The following CAMKK2 variants were observed in gnomAD, a reference collection of about 807,000 sequenced individuals.
CAMKK2 encodes calcium/calmodulin-dependent protein kinase kinase 2.
A neutral mutation model predicts 67.2 loss-of-function variants in CAMKK2; 30 were observed. That is an observed-to-expected ratio of 0.45 (90% confidence interval 0.33 to 0.61). The LOEUF is 0.61. Among genes scored for constraint, CAMKK2 ranks in the 20% least tolerant of loss-of-function variants. The pLI is 0.02. For synonymous variants in CAMKK2, 322 were observed against 326.2 expected (o/e 0.99, Z 0.14); for missense variants, 643 against 802.0 (o/e 0.80, Z 2.39).
In CAMKK2 at chr12:121,240,460, G is replaced by A. The variant is rs1213069119; in HGVS notation, c.*239C>T. On this transcript the variant is annotated 3_prime_UTR_variant, in exon 17 of 17. Transcript: ENST00000404169. The surrounding 1 kb of genome is among the most constrained non-coding windows in gnomAD (Gnocchi z 4.4). Reference sequence around the variant, plus strand: ...CCAAAATGCACGTGGGTTTGGGTCTGCAACTCCTCACACCCGCCTGTCCAG... The same window carrying A: ...CCAAAATGCACGTGGGTTTGGGTCTACAACTCCTCACACCCGCCTGTCCAG... 7 of 1,534,574 alleles carry A rather than the reference G, an allele frequency of 4.6e-6. No homozygotes were observed. Among genetic ancestry groups the A allele is most frequent in the Non-Finnish European group, 6.1e-6 (7 of 1,146,702 alleles).
At chr12:121,250,733 G>A (rs1890552163) in intron 11 of CAMKK2, among the ~76,000 whole-genome samples, 1 of 152,220 alleles carries the variant, frequency 6.6e-6, no homozygotes, top group African/African-American at 2.4e-5. Context: ...ATTTCTGGCT[G>A]TCTTGCTCAC....
At chr12:121,250,924 G>GT (rs1890589879) in intron 11 of CAMKK2, among the ~76,000 whole-genome samples, 1 of 152,208 alleles carries the variant, frequency 6.6e-6, no homozygotes. Flanking sequence ...TGTGTCCCAG[G>GT]AAGTACGAAG....
Position 121,270,918 on chromosome 12 carries a change from G to A in CAMKK2, c.499C>T (p.Leu167=). The A allele has an allele frequency of 6.2e-7, 1 of 1,613,662 alleles. No homozygotes were observed. Among genetic ancestry groups the A allele is most frequent in the Admixed American group, 1.7e-5 (1 of 59,958 alleles). ...QDCVQLNQYT[L]KDEIGKGSYG... Reference sequence around the variant, plus strand: ...TTTACCTTTCCAATTTCATCCTTCAGGGTATACTGATTCAGCTGCACACAG... The same window carrying A: ...TTTACCTTTCCAATTTCATCCTTCAAGGTATACTGATTCAGCTGCACACAG... The change falls in exon 3 of 17, where the codon CTG becomes TTG. Residue 167 remains leucine (L), a synonymous_variant. Coordinates refer to ENST00000404169, the MANE Select transcript of CAMKK2 (RefSeq NM_001270485.2).
intron 6 of CAMKK2, among the ~76,000 whole-genome samples, chr12:121,261,707 G>A (rs935345400): frequency 2.6e-5 from 4 of 152,210 alleles, no homozygotes; most frequent in Admixed American, 2.6e-4. Flanking sequence ...AAGGCACCAT[G>A]TACTCCCCCA....
rs1467835765 is a variant in CAMKK2 at position 121,240,288 on chromosome 12, A to C, written c.*411T>G. 1 of 727,570 alleles carries C rather than the reference A, an allele frequency of 1.4e-6. No homozygotes were observed. The highest frequency in any genetic ancestry group is 2.7e-5 in the East Asian group (1 of 37,126). The allele number at this position is 727,570 out of a possible 1,614,324, so 45.1% of individuals were successfully genotyped here. On this transcript the variant is annotated 3_prime_UTR_variant, in exon 17 of 17. Transcript: ENST00000404169. This position sits in a 1 kb window ranked among gnomAD's most constrained non-coding sequence, Gnocchi z 4.4. ...CTACTCCCTCTCAAATGCAGCAACC[A>C]CCTCCATGGCCTCAGACCGCCGGAG...
At chr12:121,254,847 G>GT (rs1891533356) in intron 9 of CAMKK2, among the ~76,000 whole-genome samples, 1 of 152,100 alleles carries the variant, frequency 6.6e-6, no homozygotes, top group African/African-American at 2.4e-5. Context: ...TTGATACTGA[G>GT]TGTCAACTTG....
chr12:121,244,533 G>T, intron 16 of CAMKK2, 40 bp downstream of exon 16: 1 of 1,543,644 alleles, frequency 6.5e-7, no homozygotes, highest in East Asian at 2.4e-5. Context: ...GCCCCCCTCA[G>T]GCCCCAGCAG....
intron 14 of CAMKK2, among the ~76,000 whole-genome samples, 198 bp downstream of exon 14, chr12:121,248,408 A>G (rs1396627014): frequency 6.6e-6 from 1 of 152,222 alleles, no homozygotes; most frequent in African/African-American, 2.4e-5. Context: ...TTCCTATGGT[A>G]ACATGGAACC....
Position 121,265,366 on chromosome 12 carries a change from A to ATGG in CAMKK2, c.626-1428_626-1427insCCA, listed in dbSNP as rs1566085795. 6.4e-3 allele frequency among the ~76,000 whole-genome samples: 971 copies of ATGG among 151,812 alleles called. 8 individuals are homozygous for ATGG. Among genetic ancestry groups the ATGG allele is most frequent in the African/African-American group, 0.023 (947 of 41,366 alleles). ...ATAGCTGGAGAGAGGGGAAAGTGGT[A>ATGG]GTGTGTGTCCACAGAGGAGCTGACC... On this transcript the variant is annotated intron_variant, in intron 5 of 16. Transcript: ENST00000404169.
At chr12:121,293,978 G>A (rs991343558) in intron 1 of CAMKK2, among the ~76,000 whole-genome samples, 20 of 151,938 alleles carry the variant, frequency 1.3e-4, no homozygotes, top group African/African-American at 4.6e-4. Flanking sequence ...TGTGCCCCAC[G>A]CTGGAGTGCA....
chr12:121,240,328 T>C lies in CAMKK2; in HGVS notation c.*371A>G. 1 of 1,089,968 alleles carries C rather than the reference T, an allele frequency of 9.2e-7. No homozygotes were observed. The highest frequency in any genetic ancestry group is 2.7e-5 in the Admixed American group (1 of 36,614). 67.5% of individuals were successfully genotyped at this position (1,089,968 alleles called of 1,614,324 possible). On this transcript the variant is annotated 3_prime_UTR_variant, in exon 17 of 17. Coordinates refer to ENST00000404169, the MANE Select transcript of CAMKK2 (RefSeq NM_001270485.2). This position sits in a 1 kb window ranked among gnomAD's most constrained non-coding sequence, Gnocchi z 4.4. ...GACCGCCGGAGTTTTCTGCTCGCCTTTCCACAGTTGTCAAACCCCACACAC... is the reference window on the plus strand; with the variant it reads ...GACCGCCGGAGTTTTCTGCTCGCCTCTCCACAGTTGTCAAACCCCACACAC...
intron 16 of CAMKK2, 152 bp from the exon 17 acceptor site, chr12:121,241,021 C>T: frequency 1.4e-6 from 1 of 721,568 alleles, no homozygotes; most frequent in Non-Finnish European, 2.3e-6. Context: ...GAGATCCTCT[C>T]CCCTTTTCCT....
rs1892161136 is a variant in CAMKK2 at position 121,255,799 on chromosome 12, C to T, written c.802G>A (p.Glu268Lys). 6 of 1,613,742 alleles carry T rather than the reference C, an allele frequency of 3.7e-6. No homozygotes were observed. The highest frequency in any genetic ancestry group is 1.1e-5 in the South Asian group (1 of 91,066). ...GACACTCACCCTTGGTTGACCAGTT[C>T]GAACACTGTAGGGAAGAAAAGGGTG... ...PNEDHLYMVF[E>K]LVNQGPVMEV... is the part of the protein sequence containing the mutation. The change falls in exon 8 of 17, where the codon GAA becomes AAA. Residue 268 changes from glutamate (E) to lysine (K), a missense_variant. By Grantham distance (56) the Glu-to-Lys change is moderately conservative. Coordinates refer to ENST00000404169, the MANE Select transcript of CAMKK2 (RefSeq NM_001270485.2).
chr12:121,278,268 T>C (rs371522680), intron 1 of CAMKK2, among the ~76,000 whole-genome samples: 6 of 152,324 alleles, frequency 3.9e-5, no homozygotes, highest in East Asian at 3.9e-4. Flanking sequence ...ATGGTCCTTA[T>C]GTCCCAGAAG....
intron 1 of CAMKK2, among the ~76,000 whole-genome samples, chr12:121,280,526 C>T (rs1284911793): frequency 6.6e-6 from 1 of 152,206 alleles, no homozygotes; most frequent in Non-Finnish European, 1.5e-5. Context: ...AAACTCTGAT[C>T]GCCGGTGAGC....
intron 11 of CAMKK2, among the ~76,000 whole-genome samples, chr12:121,252,046 T>C (rs1268827820): frequency 1.3e-5 from 2 of 152,148 alleles, no homozygotes; most frequent in Non-Finnish European, 2.9e-5. Flanking sequence ...GCACAGTTAT[T>C]GATTAGTGAT....
upstream of CAMKK2, chr12:121,297,753 T>G (rs1407152345): frequency 6.0e-6 from 3 of 503,266 alleles, no homozygotes; most frequent in Admixed American, 2.0e-5. Flanking sequence ...AGCCCTCTAG[T>G]TAACTGGGTG....
intron 5 of CAMKK2, among the ~76,000 whole-genome samples, chr12:121,264,776 A>AAAT (rs57906202): frequency 0.045 from 6,281 of 139,906 alleles, 172 homozygotes; most frequent in Middle Eastern, 0.083. Context: ...TCAGTCTCAA[A>AAAT]AATAATAATA....
At chr12:121,281,345 G>A (rs1399994005) in intron 1 of CAMKK2, among the ~76,000 whole-genome samples, 3 of 152,226 alleles carry the variant, frequency 2.0e-5, no homozygotes, top group East Asian at 3.9e-4. Context: ...GCTCCCCTGA[G>A]GTTGCCTCAT....
Sources: gnomAD v4.1 joint callset for allele counts (sites outside exome capture counted in the v4.1 genomes callset) on GRCh38, gnomAD v4.1.1 for gene constraint, Gnocchi (gnomAD v3.1) non-coding constraint, MANE v1.5 for transcripts, NCBI Gene and HGNC (gene_info 2026-07-23, HGNC 2026-07-21) for gene names.